The following DCTN2 variants were observed in gnomAD, a reference collection of about 807,000 sequenced individuals.
DCTN2 encodes 50 kDa dynein-associated polypeptide.
A neutral mutation model predicts 55.4 loss-of-function variants in DCTN2; 18 were observed. That is an observed-to-expected ratio of 0.32 (90% CI 0.22 to 0.48). The LOEUF (loss-of-function observed/expected upper bound fraction) is 0.48, where lower values mean the gene tolerates loss of function less well. DCTN2 is among the 20% of genes least tolerant of loss of function. DCTN2 has a pLI of 0.99. For missense variants in DCTN2, 390 were observed against 491.0 expected, an observed-to-expected ratio of 0.79 and a Z score of 1.94; for synonymous variants, 168 against 185.2, an observed-to-expected ratio of 0.91 and a Z score of 0.76.
chr12:57,530,439 A>T lies in DCTN2; in HGVS notation c.*250T>A. The T allele has an allele frequency of 2.3e-6, 1 of 438,180 alleles. No individual in the cohort carries two copies. Among genetic ancestry groups the T allele is most frequent in the Non-Finnish European group, 4.2e-6 (1 of 240,418 alleles). The allele number at this position is 438,180 out of a possible 1,614,324, so 27.1% of individuals were successfully genotyped here. ...AAAGCAGTATTGGACATGAGTTGGC[A>T]TGTGGCTGGGCCCACGTCCTTATCC... On this transcript the variant is annotated 3_prime_UTR_variant, in exon 14 of 14. Transcript: ENST00000548249.
intron 2 of DCTN2, 142 bp downstream of exon 2, chr12:57,545,886 T>C: frequency 2.7e-6 from 2 of 735,244 alleles, no homozygotes; most frequent in Non-Finnish European, 4.4e-6. Context: ...AGCAAGGTCT[T>C]TGCAAGCCCT....
At chr12:57,539,347 TC>T (rs1880506411) in intron 2 of DCTN2, among the ~76,000 whole-genome samples, 1 of 151,952 alleles carries the variant, frequency 6.6e-6, no homozygotes, top group Admixed American at 6.6e-5. Flanking sequence ...ACACAGAGGG[TC>T]CAGGGGACAT....
chr12:57,533,919 T>C, intron 7 of DCTN2, 34 bp downstream of exon 7: 1 of 1,563,526 alleles, frequency 6.4e-7, no homozygotes. Flanking sequence ...ACATCTCCCC[T>C]TGGCTTCCCA....
rs1879502130 is a variant in DCTN2 at position 57,530,126 on chromosome 12, G to C, written c.*563C>G. 6.6e-6 allele frequency: 1 copy of C among 152,494 alleles called. No individual in the cohort carries two copies. The highest frequency in any genetic ancestry group is 2.4e-5 in the African/African-American group (1 of 41,440). 9.4% of individuals were successfully genotyped at this position (152,494 alleles called of 1,614,324 possible). A position where few individuals can be genotyped will look rare whatever the true frequency, so the allele number is the denominator to read the frequency against. On this transcript the variant is annotated 3_prime_UTR_variant, in exon 14 of 14. Transcript: ENST00000548249. Reference sequence around the variant, plus strand: ...TATGGGAGACACTCTTAATTTAACAGATGAGAATATTTTGAAACTCTGGCT... The same window carrying C: ...TATGGGAGACACTCTTAATTTAACACATGAGAATATTTTGAAACTCTGGCT...
intron 2 of DCTN2, among the ~76,000 whole-genome samples, chr12:57,537,009 A>G (rs1277999433): frequency 7.3e-5 from 11 of 150,702 alleles, no homozygotes; most frequent in Admixed American, 7.3e-4. Context: ...TTTTAAATAG[A>G]CAGCCGGGCA....
In DCTN2 at chr12:57,536,075, C is replaced by G. The variant is rs953594943; in HGVS notation, c.106-230G>C. On this transcript the variant is annotated intron_variant, in intron 2 of 13. Transcript: ENST00000548249. ...ATTAACACCCTCATTCAACTGGGAG[C>G]AGAGGGAGCATAACCTCCCCACCCT... 14 of 555,784 alleles carry G rather than the reference C, an allele frequency of 2.5e-5. No homozygotes were observed. The African/African-American group carries it at 2.6e-4, about 10-fold the overall frequency. 34.4% of individuals were successfully genotyped at this position (555,784 alleles called of 1,614,324 possible).
At chr12:57,541,906 C>T (rs1361197113) in intron 2 of DCTN2, among the ~76,000 whole-genome samples, 1 of 152,190 alleles carries the variant, frequency 6.6e-6, no homozygotes, top group Non-Finnish European at 1.5e-5. Context: ...GGGCTACAGC[C>T]CGTGCACTTT....
At chr12:57,543,668 C>A (rs1326715771) in intron 2 of DCTN2, 1 of 737,376 alleles carries the variant, frequency 1.4e-6, no homozygotes, top group Admixed American at 6.3e-5. Flanking sequence ...CATCTTGGCT[C>A]TTCGGGCCCC....
intron 2 of DCTN2, chr12:57,543,945 C>T (rs1565684586): frequency 8.7e-6 from 5 of 576,268 alleles, no homozygotes; most frequent in Non-Finnish European, 1.5e-5. Context: ...CAGTCAGGTT[C>T]TTCCACACCT....
At position 57,533,015 on chromosome 12, in the gene DCTN2, A is replaced by G; in HGVS notation, c.743T>C (p.Leu248Pro). 6.2e-7 allele frequency: 1 copy of G among 1,601,304 alleles called. No homozygotes were observed. The highest frequency in any genetic ancestry group is 1.1e-5 in the South Asian group (1 of 89,656). ...ACAGGCTCCCTGTAGACCTGCAGAAAGGGGATTCTGGTGGGAAAGGAAGGG... is the reference window on the plus strand; with the variant it reads ...ACAGGCTCCCTGTAGACCTGCAGAAGGGGGATTCTGGTGGGAAAGGAAGGG... ...VRCDQDAQNP[L>P]SAGLQGACLM... The change falls in exon 9 of 14, where the codon CTT becomes CCT. Residue 248 changes from leucine to proline, a missense_variant. By Grantham distance (98) the Leu-to-Pro change is moderately conservative. This residue lies in a region of DCTN2 where 273 missense variants were observed against 303.2 expected (regional missense o/e 0.90). Coordinates refer to ENST00000548249, the MANE Select transcript of DCTN2 (RefSeq NM_001261413.2).
At chr12:57,539,625 A>G (rs996307754) in intron 2 of DCTN2, among the ~76,000 whole-genome samples, 4 of 152,134 alleles carry the variant, frequency 2.6e-5, no homozygotes, top group Non-Finnish European at 5.9e-5. Flanking sequence ...TGCATATGAA[A>G]AACCATGGTG....
chr12:57,537,591 C>T (rs945490176), intron 2 of DCTN2, among the ~76,000 whole-genome samples: 2 of 151,870 alleles, frequency 1.3e-5, no homozygotes, highest in African/African-American at 2.4e-5. Context: ...GCTATTAGAG[C>T]AGGAATCAGT....
intron 2 of DCTN2, among the ~76,000 whole-genome samples, chr12:57,540,612 G>C (rs1036970238): frequency 6.6e-6 from 1 of 152,242 alleles, no homozygotes; most frequent in African/African-American, 2.4e-5. Flanking sequence ...ATCAGACAGG[G>C]AAAGTGGCCA....
intron 2 of DCTN2, among the ~76,000 whole-genome samples, chr12:57,540,653 C>A (rs144639989): frequency 6.6e-6 from 1 of 152,146 alleles, no homozygotes; most frequent in African/African-American, 2.4e-5. Flanking sequence ...TCAGGCTGTA[C>A]GCCAACACTG....
At position 57,530,671 on chromosome 12, in the gene DCTN2, T is replaced by TC; in HGVS notation, c.*17dup. Reference sequence around the variant, plus strand: ...ACAGGGGTAGGGATAACCCCTGTTCTCCAGCTCCCAAATGTGCTCACTTTC... The same window carrying TC: ...ACAGGGGTAGGGATAACCCCTGTTCTCCCAGCTCCCAAATGTGCTCACTTTC... On this transcript the variant is annotated 3_prime_UTR_variant, in exon 14 of 14. Transcript: ENST00000548249. The TC allele has an allele frequency of 6.2e-7, 1 of 1,608,814 alleles. No homozygotes were observed. The highest frequency in any genetic ancestry group is 8.5e-7 in the Non-Finnish European group (1 of 1,175,676).
At chr12:57,533,443 T>A in intron 7 of DCTN2, 140 bp from the exon 8 acceptor site, 1 of 821,164 alleles carries the variant, frequency 1.2e-6, no homozygotes, top group Non-Finnish European at 2.1e-6. Context: ...GCCACAATCT[T>A]AAAATCCTAA....
Position 57,532,205 on chromosome 12 carries a change from C to A in DCTN2, c.1027+8G>T, listed in dbSNP as rs1879792837. 1.9e-6 allele frequency: 3 copies of A among 1,553,212 alleles called. No homozygotes were observed. Among genetic ancestry groups the A allele is most frequent in the South Asian group, 1.2e-5 (1 of 84,124 alleles). On this transcript the variant is annotated splice_region_variant and intron_variant, in intron 12 of 13. Coordinates refer to ENST00000548249, the MANE Select transcript of DCTN2 (RefSeq NM_001261413.2). ...TTCTCTTAGCACTCCTGGCAGCTGG[C>A]CTCCCACCTTGCTCGTGCAGCTGCT...
intron 5 of DCTN2, 123 bp downstream of exon 5, chr12:57,534,933 G>C (rs1396557118): frequency 1.3e-6 from 1 of 773,592 alleles, no homozygotes; most frequent in Admixed American, 2.8e-5. Flanking sequence ...GCCTCCCAAA[G>C]TGGTAGGATT....
chr12:57,534,499 A>G (rs758688559), intron 5 of DCTN2, 47 bp from the exon 6 acceptor site: 1 of 1,551,964 alleles, frequency 6.4e-7, no homozygotes, highest in Non-Finnish European at 8.7e-7. Flanking sequence ...GAATGAATCA[A>G]GAAGCAAAAA....
Sources: gnomAD v4.1 joint callset for allele counts (sites outside exome capture counted in the v4.1 genomes callset) on GRCh38, gnomAD v4.1.1 for gene constraint, gnomAD v4.1.1 regional missense constraint, MANE v1.5 for transcripts, NCBI Gene and HGNC (gene_info 2026-07-23, HGNC 2026-07-21) for gene names.